Variants in NECAB1 observed in about 807,000 individuals in gnomAD.
NECAB1 encodes the protein N-terminal EF-hand calcium binding protein 1.
Under a neutral mutation model 57.5 loss-of-function variants are expected in NECAB1, and 29 were observed. The observed-to-expected ratio is 0.50, with a 90% CI of 0.38 to 0.69. The LOEUF is 0.69. Among genes scored for constraint, NECAB1 ranks in the 30% least tolerant of loss-of-function variants. NECAB1 has a pLI of 0.00. For synonymous variants in NECAB1, 142 were observed against 147.7 expected (o/e 0.96, Z 0.28); for missense variants, 372 against 413.8 (o/e 0.90, Z 0.88).
At chr8:90,902,612 A>G (rs1160537576) in intron 5 of NECAB1, among the ~76,000 whole-genome samples, 3 of 152,186 alleles carry the variant, frequency 2.0e-5, no homozygotes, top group Non-Finnish European at 4.4e-5. Context: ...GTTCAAGTTT[A>G]TCAATAGTTA....
chr8:90,896,005 T>C (rs554148424), intron 5 of NECAB1, among the ~76,000 whole-genome samples: 1 of 152,332 alleles, frequency 6.6e-6, no homozygotes, highest in Admixed American at 6.5e-5. Flanking sequence ...GTCTGTATTT[T>C]ATGCAGCCTA....
At chr8:90,848,571 C>T (rs542803186) in intron 3 of NECAB1, among the ~76,000 whole-genome samples, 2 of 152,286 alleles carry the variant, frequency 1.3e-5, no homozygotes, top group African/African-American at 2.4e-5. Flanking sequence ...GTTTAATGTA[C>T]TCACAGTTCC....
intron 3 of NECAB1, among the ~76,000 whole-genome samples, chr8:90,829,413 T>C (rs1812270170): frequency 1.3e-5 from 2 of 152,050 alleles, no homozygotes; most frequent in Admixed American, 1.3e-4. Flanking sequence ...ATGTTAATTA[T>C]AGTAGAGAAA....
Position 90,959,021 on chromosome 8 carries a change from G to T in NECAB1, c.*3509G>T. The T allele has an allele frequency of 7.1e-7, 1 of 1,398,820 alleles. No individual in the cohort carries two copies. Among genetic ancestry groups the T allele is most frequent in the South Asian group, 1.4e-5 (1 of 73,206 alleles). 86.7% of individuals were successfully genotyped at this position (1,398,820 alleles called of 1,614,324 possible). A position where few individuals can be genotyped will look rare whatever the true frequency, so the allele number is the denominator to read the frequency against. ...TTCTTAAAATGCTACTTAAAACTTT[G>T]GTTGTTTTCCTGTAATATAAAAGAA... On this transcript the variant is annotated 3_prime_UTR_variant, in exon 13 of 13. Transcript: ENST00000417640.
chr8:90,954,679 A>G (rs942492239), intron 12 of NECAB1, among the ~76,000 whole-genome samples: 3 of 151,726 alleles, frequency 2.0e-5, no homozygotes, highest in Admixed American at 2.0e-4. Context: ...TAACATACAG[A>G]TATACTAAAA....
chr8:90,822,138 A>G (rs1812153698), intron 2 of NECAB1, among the ~76,000 whole-genome samples: 1 of 151,904 alleles, frequency 6.6e-6, no homozygotes, highest in South Asian at 2.1e-4. Flanking sequence ...CAGACCTCAC[A>G]AGATTTGGCT....
chr8:90,935,791 G>A (rs1353624691), intron 9 of NECAB1, among the ~76,000 whole-genome samples: 1 of 152,034 alleles, frequency 6.6e-6, no homozygotes, highest in Non-Finnish European at 1.5e-5. Flanking sequence ...CCATTTGCAG[G>A]TCCCTGAGCA....
chr8:90,934,998 A>G (rs898285530), intron 9 of NECAB1, among the ~76,000 whole-genome samples: 10 of 152,198 alleles, frequency 6.6e-5, no homozygotes, highest in African/African-American at 2.4e-4. Flanking sequence ...TGAGGCAAAC[A>G]TGCATAGTAC....
chr8:90,954,067 AAAAT>A (rs60959508), intron 12 of NECAB1, among the ~76,000 whole-genome samples: 46,559 of 142,394 alleles, frequency 0.33, 7,991 homozygotes, highest in Middle Eastern at 0.42. Context: ...AGACTGTCTC[AAAAT>A]AAATAAATAA....
At chr8:90,925,410 C>G (rs1810240024) in intron 6 of NECAB1, 125 bp from the exon 7 acceptor site, 1 of 1,022,756 alleles carries the variant, frequency 9.8e-7, no homozygotes, top group Non-Finnish European at 1.4e-6. Flanking sequence ...TACAAGCAGT[C>G]ATTCTCATAA....
In NECAB1 at chr8:90,925,714, A is replaced by G. The variant is rs912873346; in HGVS notation, c.616+58A>G. 1.1e-5 allele frequency: 17 copies of G among 1,596,502 alleles called. No individual in the cohort carries two copies. The Admixed American group carries it at 1.4e-4, about 13-fold the overall frequency. The stretch of plus-strand genomic sequence containing the variant: ...AAGTCTATTTATCTTGCGTTTTCCA[A>G]TTGATTATTTTAACAAACAACAGAT... On this transcript the variant is annotated intron_variant, in intron 7 of 12. Coordinates refer to ENST00000417640, the MANE Select transcript of NECAB1 (RefSeq NM_022351.5).
chr8:90,799,486 A>G (rs910222285), intron 1 of NECAB1, among the ~76,000 whole-genome samples: 2 of 152,122 alleles, frequency 1.3e-5, no homozygotes, highest in Admixed American at 6.6e-5. Flanking sequence ...ATTTTTGTCT[A>G]TAGTATTAGA....
chr8:90,940,989 A>G (rs1352127820), intron 10 of NECAB1, 91 bp downstream of exon 10: 1 of 914,146 alleles, frequency 1.1e-6, no homozygotes, highest in Admixed American at 2.1e-5. Flanking sequence ...GGGGGTCTAG[A>G]AGACAGATAT....
rs1418264857 is a variant in NECAB1 at position 90,940,863 on chromosome 8, C to T, written c.825C>T (p.Tyr275=). 5.8e-6 allele frequency: 9 copies of T among 1,561,616 alleles called. No individual in the cohort carries two copies. The highest frequency in any genetic ancestry group is 2.4e-5 in the East Asian group (1 of 41,748). The change falls in exon 10 of 13, where the codon TAC becomes TAT. Residue 275 remains tyrosine (Y), a synonymous_variant. Coordinates refer to ENST00000417640, the MANE Select transcript of NECAB1 (RefSeq NM_022351.5). ...AATTCCAGCTCGCTCTGAAACACTACGTGGAGAGTGCTTCCTCCCAAAGTG... is the reference window on the plus strand; with the variant it reads ...AATTCCAGCTCGCTCTGAAACACTATGTGGAGAGTGCTTCCTCCCAAAGTG... ...LEEFQLALKH[Y]VESASSQSGC...
At chr8:90,842,312 C>T (rs1475698223) in intron 3 of NECAB1, among the ~76,000 whole-genome samples, 1 of 152,198 alleles carries the variant, frequency 6.6e-6, no homozygotes, top group Non-Finnish European at 1.5e-5. Flanking sequence ...CATCTTTGGG[C>T]TTGAAGTTGT....
intron 9 of NECAB1, among the ~76,000 whole-genome samples, chr8:90,935,024 G>A (rs1171943088): frequency 6.6e-6 from 1 of 152,146 alleles, no homozygotes; most frequent in Non-Finnish European, 1.5e-5. Context: ...GTTTCAGGAA[G>A]TTGGATGTTT....
At chr8:90,880,556 A>G (rs1051624032) in intron 4 of NECAB1, among the ~76,000 whole-genome samples, 4 of 151,208 alleles carry the variant, frequency 2.6e-5, no homozygotes, top group East Asian at 3.9e-4. Flanking sequence ...AGATTGTGAC[A>G]GGGACAGTTA....
intron 3 of NECAB1, among the ~76,000 whole-genome samples, chr8:90,826,747 TAA>T (rs978882897): frequency 6.6e-6 from 1 of 151,706 alleles, no homozygotes; most frequent in African/African-American, 2.4e-5. Context: ...TAATGAAAAA[TAA>T]AGTTTTCAAT....
At chr8:90,847,882 C>T (rs1812599054) in intron 3 of NECAB1, among the ~76,000 whole-genome samples, 1 of 152,220 alleles carries the variant, frequency 6.6e-6, no homozygotes, top group Non-Finnish European at 1.5e-5. Flanking sequence ...TTTTTTTCGC[C>T]TTGGCCTCCA....
Sources: gnomAD v4.1 joint callset for allele counts (sites outside exome capture counted in the v4.1 genomes callset) on GRCh38, gnomAD v4.1.1 for gene constraint, MANE v1.5 for transcripts, NCBI Gene and HGNC (gene_info 2026-07-23, HGNC 2026-07-21) for gene names.